The following CDK6 variants were observed in gnomAD, a reference collection of about 807,000 sequenced individuals.
CDK6 encodes cyclin dependent kinase 6, also known as cyclin-dependent kinase 6.
A neutral mutation model predicts 37.1 loss-of-function variants in CDK6; 6 were observed. The ratio of observed to expected loss-of-function variants is 0.16; its 90% confidence interval spans 0.09 to 0.32. The LOEUF (loss-of-function observed/expected upper bound fraction) is 0.32, where lower values mean the gene tolerates loss of function less well. Ranked by LOEUF, CDK6 falls within the 10% of genes least tolerant of loss-of-function variation. The pLI, the probability that CDK6 is intolerant of heterozygous loss-of-function variation, is 1.00. For missense variants in CDK6, 224 were observed against 418.9 expected (o/e 0.53, Z 4.06); for synonymous variants, 160 against 161.3 (o/e 0.99, Z 0.06).
intron 3 of CDK6, among the ~76,000 whole-genome samples, chr7:92,772,666 T>C (rs186557051): frequency 1.5e-4 from 23 of 152,166 alleles, no homozygotes; most frequent in African/African-American, 5.6e-4. Flanking sequence ...CCTTTCTTAC[T>C]TTGGTGACCA....
intron 2 of CDK6, among the ~76,000 whole-genome samples, chr7:92,775,814 GAATA>G (rs1401764516): frequency 1.3e-5 from 2 of 152,108 alleles, no homozygotes; most frequent in East Asian, 3.9e-4. Flanking sequence ...AAAAAAAATT[GAATA>G]AATGCCTTCT....
chr7:92,792,706 G>A (rs1800314730), intron 2 of CDK6, among the ~76,000 whole-genome samples: 1 of 151,952 alleles, frequency 6.6e-6, no homozygotes, highest in Non-Finnish European at 1.5e-5. Flanking sequence ...AAGGCCATAA[G>A]AAGAGATGAA....
intron 5 of CDK6, among the ~76,000 whole-genome samples, chr7:92,628,269 G>C (rs1268172727): frequency 1.3e-5 from 2 of 149,462 alleles, no homozygotes; most frequent in Non-Finnish European, 3.0e-5. Flanking sequence ...TTTTATGAGT[G>C]TTAGTTTTAA....
chr7:92,743,105 T>C (rs1324093357), intron 3 of CDK6, among the ~76,000 whole-genome samples: 2 of 151,972 alleles, frequency 1.3e-5, no homozygotes, highest in Non-Finnish European at 2.9e-5. Context: ...TGGGAGATTT[T>C]TGCACTGCAT....
At chr7:92,778,946 T>TATATATATATATATATAAAA (rs1479181745) in intron 2 of CDK6, among the ~76,000 whole-genome samples, 5 of 135,010 alleles carry the variant, frequency 3.7e-5, no homozygotes, top group African/African-American at 1.2e-4. Context: ...TATATATATA[T>TATATATATATATATATAAAA]AAGATATTAT....
intron 4 of CDK6, among the ~76,000 whole-genome samples, chr7:92,713,615 T>C (rs535923396): frequency 9.3e-5 from 13 of 140,262 alleles, no homozygotes; most frequent in Admixed American, 3.7e-4. Flanking sequence ...TGAAGAAATA[T>C]AACTTTAAAT....
rs1374316336 is a variant in CDK6 at position 92,774,824 on chromosome 7, C to T, written c.241G>A (p.Asp81Asn). ...TCTGTTCGTGACACTGTGCACACAT[C>T]AAACAACCTAGAAGAAAAAACAAAG... ...FEHPNVVRLFDVCTVSRTDRE... is the reference protein window; with the variant it reads ...FEHPNVVRLFNVCTVSRTDRE... Residue 81 changes from aspartate to asparagine, a missense_variant, in exon 3 of 8, where the codon GAT becomes AAT. By Grantham distance (23) the Asp-to-Asn change is conservative (BLOSUM62 1). Coordinates refer to ENST00000424848, the MANE Select transcript of CDK6 (RefSeq NM_001145306.2). The T allele has an allele frequency of 1.2e-6, 2 of 1,606,094 alleles. No homozygotes were observed. Among genetic ancestry groups the T allele is most frequent in the African/African-American group, 2.7e-5 (2 of 74,334 alleles).
At chr7:92,667,753 T>C (rs1279328092) in intron 5 of CDK6, among the ~76,000 whole-genome samples, 6 of 151,978 alleles carry the variant, frequency 3.9e-5, no homozygotes, top group African/African-American at 1.2e-4. Flanking sequence ...GGTTTCGCCA[T>C]GTTACCCAGG....
intron 2 of CDK6, among the ~76,000 whole-genome samples, chr7:92,806,175 T>C (rs1230463844): frequency 2.6e-5 from 4 of 152,184 alleles, no homozygotes; most frequent in Non-Finnish European, 5.9e-5. Context: ...AAAAGCATGA[T>C]TGAAATACAC....
At chr7:92,685,882 C>T (rs1009033012) in intron 4 of CDK6, among the ~76,000 whole-genome samples, 3 of 152,176 alleles carry the variant, frequency 2.0e-5, no homozygotes, top group Non-Finnish European at 4.4e-5. Flanking sequence ...CTTACATGGA[C>T]GTAACTTTGA....
At chr7:92,787,185 C>CAAAA (rs761038672) in intron 2 of CDK6, among the ~76,000 whole-genome samples, 14 of 35,426 alleles carry the variant, frequency 4.0e-4, no homozygotes, top group Non-Finnish European at 5.9e-4. Flanking sequence ...GACTCCATCA[C>CAAAA]AAAAAAAAAA....
chr7:92,811,262 C>T (rs1410999090), intron 2 of CDK6, among the ~76,000 whole-genome samples: 2 of 152,090 alleles, frequency 1.3e-5, no homozygotes, highest in Admixed American at 1.3e-4. Flanking sequence ...TGGGATTCAA[C>T]TACAGTTATA....
intron 2 of CDK6, among the ~76,000 whole-genome samples, chr7:92,782,677 C>T (rs537827221): frequency 3.3e-4 from 50 of 152,090 alleles, no homozygotes; most frequent in Non-Finnish European, 5.3e-4. Flanking sequence ...CAAGAGATTC[C>T]GGAAGACATT....
At chr7:92,823,768 A>C (rs1801240747) in intron 2 of CDK6, among the ~76,000 whole-genome samples, 1 of 152,120 alleles carries the variant, frequency 6.6e-6, no homozygotes. Context: ...GTCTGAGTAA[A>C]CTAAACTTTT....
chr7:92,716,701 A>G (rs1798235822), intron 4 of CDK6, among the ~76,000 whole-genome samples: 1 of 152,208 alleles, frequency 6.6e-6, no homozygotes, highest in Admixed American at 6.5e-5. Context: ...AGGACACAAA[A>G]ATCCAAATTA....
chr7:92,620,134 G>C (rs948912499), intron 6 of CDK6, among the ~76,000 whole-genome samples: 2 of 152,012 alleles, frequency 1.3e-5, no homozygotes, highest in Admixed American at 1.3e-4. Flanking sequence ...TTGTGGCTTT[G>C]AATGTATCTA....
chr7:92,754,920 T>C (rs1799275684), intron 3 of CDK6, among the ~76,000 whole-genome samples: 1 of 152,182 alleles, frequency 6.6e-6, no homozygotes, highest in South Asian at 2.1e-4. Context: ...ATTGCCGCTC[T>C]AGTCCCCTTC....
chr7:92,741,752 T>A (rs1351853809), intron 3 of CDK6, among the ~76,000 whole-genome samples: 1 of 152,100 alleles, frequency 6.6e-6, no homozygotes, highest in East Asian at 1.9e-4. Flanking sequence ...TAAGGACCAT[T>A]AAAAAAATAT....
At chr7:92,756,559 G>A (rs569467095) in intron 3 of CDK6, among the ~76,000 whole-genome samples, 1 of 152,310 alleles carries the variant, frequency 6.6e-6, no homozygotes, top group Non-Finnish European at 1.5e-5. Flanking sequence ...TTAGATCTAG[G>A]TTAGACAGGG....
Sources: allele counts gnomAD v4.1 joint callset (sites outside exome capture counted in the v4.1 genomes callset), GRCh38; gene constraint gnomAD v4.1.1; transcripts MANE v1.5; gene names NCBI Gene and HGNC (gene_info 2026-07-23, HGNC 2026-07-21).